Variants in ATP2B2 observed in about 807,000 individuals in gnomAD.
ATP2B2 encodes plasma membrane calcium-transporting ATPase 2.
In ATP2B2, 15 loss-of-function variants were observed where a neutral mutation model predicts 120.0. The observed-to-expected ratio is 0.12, with a 90% CI of 0.08 to 0.19. ATP2B2 has a LOEUF of 0.19. Ranked by LOEUF, ATP2B2 falls within the 10% of genes least tolerant of loss-of-function variation. The pLI, the probability that ATP2B2 is intolerant of heterozygous loss-of-function variation, is 1.00. For missense variants in ATP2B2, 1,045 were observed against 1,719.8 expected, an observed-to-expected ratio of 0.61 and a Z score of 6.94; for synonymous variants, 694 against 700.3, an observed-to-expected ratio of 0.99 and a Z score of 0.14.
chr3:10,442,368 C>T (rs770491246), intron 2 of ATP2B2, among the ~76,000 whole-genome samples: 1 of 152,186 alleles, frequency 6.6e-6, no homozygotes, highest in Non-Finnish European at 1.5e-5. Flanking sequence ...AGTCAGCTGC[C>T]GGGCAGGATC....
intron 1 of ATP2B2, among the ~76,000 whole-genome samples, chr3:10,471,220 G>A (rs920248340): frequency 1.4e-4 from 21 of 152,154 alleles, no homozygotes; most frequent in Non-Finnish European, 2.6e-4. Flanking sequence ...GTGAGGGTGC[G>A]GGTGAAGGCC....
At chr3:10,364,979 A>G (rs1275061792) in intron 12 of ATP2B2, among the ~76,000 whole-genome samples, 1 of 151,796 alleles carries the variant, frequency 6.6e-6, no homozygotes, top group Non-Finnish European at 1.5e-5. Flanking sequence ...TGCGCTCACC[A>G]CTCTGCTGAG....
At chr3:10,682,523 A>C (rs2071407195) in intron 1 of ATP2B2, among the ~76,000 whole-genome samples, 1 of 152,226 alleles carries the variant, frequency 6.6e-6, no homozygotes, top group Admixed American at 6.5e-5. Context: ...ATGGTTAAAT[A>C]AGTAAGTAGA....
At chr3:10,464,318 C>G (rs959286518) in intron 1 of ATP2B2, among the ~76,000 whole-genome samples, 1 of 152,150 alleles carries the variant, frequency 6.6e-6, no homozygotes, top group African/African-American at 2.4e-5. Context: ...GGGACAGATG[C>G]GAATGCAGCC....
At chr3:10,505,082 C>T (rs958425152) in intron 1 of ATP2B2, among the ~76,000 whole-genome samples, 1 of 152,210 alleles carries the variant, frequency 6.6e-6, no homozygotes, top group African/African-American at 2.4e-5. Context: ...AACCTTGTCC[C>T]CTGCCACCAG....
rs546839283 is a variant in ATP2B2 at position 10,452,601 on chromosome 3, T to C, written c.-319-2739A>G. On this transcript the variant is annotated intron_variant, in intron 1 of 22. Transcript: ENST00000360273. Reference sequence around the variant, plus strand: ...ATAGAGTGAGGCAAATGGGCTACAATTGGGGCAGAAGGAAGGAAATGAGGT... The same window carrying C: ...ATAGAGTGAGGCAAATGGGCTACAACTGGGGCAGAAGGAAGGAAATGAGGT... Among the ~76,000 whole-genome samples, 5 of 152,124 alleles carry C rather than the reference T, an allele frequency of 3.3e-5. No homozygotes were observed. The South Asian group carries it at 6.2e-4, about 19-fold the overall frequency.
At position 10,467,370 on chromosome 3, in the gene ATP2B2, C is replaced by T. The variant is rs1273151329; in HGVS notation, c.-319-17508G>A. Reference sequence around the variant, plus strand: ...GGACTCCTATTCACCCTTGAGAGCCCCGCTCCAGGGGCCCCTTCCTGAGTA... The same window carrying T: ...GGACTCCTATTCACCCTTGAGAGCCTCGCTCCAGGGGCCCCTTCCTGAGTA... On this transcript the variant is annotated intron_variant, in intron 1 of 22. Transcript: ENST00000360273. 1.7e-4 allele frequency among the ~76,000 whole-genome samples: 26 copies of T among 152,176 alleles called. 1 individual carries two copies. The highest frequency in any genetic ancestry group is 1.7e-3 in the Admixed American group (26 of 15,278).
At chr3:10,496,816 T>C (rs1271169197) in intron 1 of ATP2B2, among the ~76,000 whole-genome samples, 1 of 152,240 alleles carries the variant, frequency 6.6e-6, no homozygotes, top group African/African-American at 2.4e-5. Context: ...AGAAAGAGAC[T>C]GTGACTTGTC....
chr3:10,663,688 C>G (rs2070848995), intron 1 of ATP2B2, among the ~76,000 whole-genome samples: 1 of 152,150 alleles, frequency 6.6e-6, no homozygotes, highest in Non-Finnish European at 1.5e-5. Context: ...AAAAGCAGAG[C>G]TGCAGGAGGG....
chr3:10,607,457 G>C (rs1042706109), intron 2 of ATP2B2, among the ~76,000 whole-genome samples: 1 of 152,188 alleles, frequency 6.6e-6, no homozygotes, highest in African/African-American at 2.4e-5. Context: ...CCCTGGAGAG[G>C]GGTCAGTGGT....
intron 2 of ATP2B2, among the ~76,000 whole-genome samples, chr3:10,570,769 C>G (rs191008152): frequency 1.3e-5 from 2 of 152,268 alleles, no homozygotes; most frequent in East Asian, 3.9e-4. Flanking sequence ...GGCAAAGGCT[C>G]CCTGCCCCCT....
chr3:10,415,444 A>G (rs946775084), intron 2 of ATP2B2, among the ~76,000 whole-genome samples: 3 of 152,176 alleles, frequency 2.0e-5, no homozygotes, highest in African/African-American at 7.2e-5. Context: ...CAGACAAGCC[A>G]CTTCTCTTCT....
chr3:10,600,005 A>G (rs2068863475), intron 2 of ATP2B2, among the ~76,000 whole-genome samples: 1 of 151,938 alleles, frequency 6.6e-6, no homozygotes, highest in Non-Finnish European at 1.5e-5. Flanking sequence ...AGGCCTTTCA[A>G]TTCAGAGTTT....
chr3:10,586,670 A>G (rs2068517120), intron 2 of ATP2B2, among the ~76,000 whole-genome samples: 1 of 152,204 alleles, frequency 6.6e-6, no homozygotes, highest in Admixed American at 6.5e-5. Context: ...CCTTCTCAGA[A>G]GGAGGCACAG....
chr3:10,428,613 A>T (rs1319206927), intron 2 of ATP2B2, among the ~76,000 whole-genome samples: 1 of 152,148 alleles, frequency 6.6e-6, no homozygotes, highest in Non-Finnish European at 1.5e-5. Context: ...TTTTATGGGG[A>T]GACACAATGT....
intron 2 of ATP2B2, among the ~76,000 whole-genome samples, chr3:10,426,889 T>G (rs897719447): frequency 6.0e-5 from 9 of 150,262 alleles, no homozygotes; most frequent in Non-Finnish European, 8.9e-5. Context: ...GGGGGGAAGA[T>G]GGTGATGAGA....
Position 10,378,321 on chromosome 3 carries a change from T to C in ATP2B2, c.1132A>G (p.Met378Val). The change falls in exon 10 of 23, where the codon ATG becomes GTG. Residue 378 changes from methionine to valine, a missense_variant. Transcript: ENST00000360273. ...GDADDRKKAS[M>V]HKKEKSVLQG... ...AGCACGGACTTCTCCTTCTTGTGCA[T>C]GCTGGCCTTCTTCCTGTCGTCAGCG... 1 of 1,609,764 alleles carries C rather than the reference T, an allele frequency of 6.2e-7. No homozygotes were observed.
chr3:10,683,760 G>GTGTGTA lies in ATP2B2; in HGVS notation c.-460+24154_-460+24155insTACACA, dbSNP rs1446781892. On this transcript the variant is annotated intron_variant, in intron 1 of 21. Transcript: ENST00000646379. ...TATGTGTATATATATGTGTGTGTGT[G>GTGTGTA]TATATATATATATATATATATATAT... Among the ~76,000 whole-genome samples the GTGTGTA allele has an allele frequency of 4.8e-3, 259 of 53,792 alleles. 2 individuals carry two copies. The highest frequency in any genetic ancestry group is 5.9e-3 in the Admixed American group (24 of 4,060). The allele number at this position is 53,792 out of a possible 152,430, so 35.3% of individuals were successfully genotyped here.
chr3:10,613,032 G>A (rs925472171), intron 2 of ATP2B2, among the ~76,000 whole-genome samples: 1 of 152,166 alleles, frequency 6.6e-6, no homozygotes, highest in East Asian at 1.9e-4. Flanking sequence ...AGCCAGCCTG[G>A]CCTCCACCGA....
Sources: allele counts gnomAD v4.1 joint callset (sites outside exome capture counted in the v4.1 genomes callset), GRCh38; gene constraint gnomAD v4.1.1; transcripts MANE v1.5; gene names NCBI Gene and HGNC (gene_info 2026-07-23, HGNC 2026-07-21).